CTNNA3: variants seen among roughly 807,000 people sequenced by gnomAD.
CTNNA3 encodes catenin alpha-3.
Under a neutral mutation model 95.7 loss-of-function variants are expected in CTNNA3, and 76 were observed. The observed-to-expected ratio is 0.79, with a 90% CI of 0.66 to 0.96. The LOEUF (loss-of-function observed/expected upper bound fraction) is 0.96. Among genes scored for constraint, CTNNA3 ranks in the 40% least tolerant of loss-of-function variants. The probability of loss-of-function intolerance (pLI) is 0.00; values close to 1 mark genes in which losing one functional copy is unlikely to be tolerated. For synonymous variants in CTNNA3, 431 were observed against 374.4 expected (o/e 1.15, Z -1.74); for missense variants, 1,191 against 1,089.8 (o/e 1.09, Z -1.31).
chr10:66,907,493 G>C (rs1846037582), intron 7 of CTNNA3, among the ~76,000 whole-genome samples: 1 of 152,004 alleles, frequency 6.6e-6, no homozygotes, highest in Non-Finnish European at 1.5e-5. Flanking sequence ...GTATTGAAAG[G>C]GTTGATATCC....
intron 13 of CTNNA3, among the ~76,000 whole-genome samples, chr10:66,170,795 G>A (rs1297549302): frequency 6.6e-6 from 1 of 151,714 alleles, no homozygotes; most frequent in Non-Finnish European, 1.5e-5. Flanking sequence ...GAAGGCAAGA[G>A]CCTTCTAGCA....
intron 13 of CTNNA3, among the ~76,000 whole-genome samples, chr10:66,218,691 A>C (rs1300336297): frequency 6.6e-6 from 1 of 152,226 alleles, no homozygotes; most frequent in African/African-American, 2.4e-5. Context: ...CATACACAGC[A>C]AATATATATT....
intron 11 of CTNNA3, among the ~76,000 whole-genome samples, chr10:66,425,683 T>C (rs2093233863): frequency 6.7e-6 from 1 of 148,176 alleles, no homozygotes; most frequent in Admixed American, 6.6e-5. Flanking sequence ...AAGATATATA[T>C]ATATACACAC....
In CTNNA3 at chr10:67,258,138, C is replaced by CTTTG. The variant is rs556872529; in HGVS notation, c.580-38272_580-38269dup. On this transcript the variant is annotated intron_variant, in intron 5 of 17. Transcript: ENST00000433211. ...CTTGCTCATTTCAACAATGGTTATC[C>CTTTG]TTTGTTTGTTTGTTTGTTTGTTTGA... Among the ~76,000 whole-genome samples the CTTTG allele has an allele frequency of 1.3e-3, 202 of 151,990 alleles. 1 individual carries two copies. Among genetic ancestry groups the CTTTG allele is most frequent in the African/African-American group, 2.2e-3 (90 of 41,490 alleles).
intron 13 of CTNNA3, among the ~76,000 whole-genome samples, chr10:66,188,593 C>CTG (rs1357549840): frequency 0.016 from 1,669 of 104,594 alleles, 20 homozygotes; most frequent in South Asian, 0.076. Context: ...GAGGGGGGGT[C>CTG]TCTGTGTGTG....
At chr10:67,516,349 T>A (rs1013848325) in intron 5 of CTNNA3, among the ~76,000 whole-genome samples, 2 of 152,200 alleles carry the variant, frequency 1.3e-5, no homozygotes, top group African/African-American at 4.8e-5. Flanking sequence ...CCTTACATGA[T>A]TGAAGGATAT....
At chr10:66,409,635 C>CTCT (rs1373663519) in intron 11 of CTNNA3, among the ~76,000 whole-genome samples, 2 of 152,088 alleles carry the variant, frequency 1.3e-5, no homozygotes, top group African/African-American at 2.4e-5. Context: ...ACTCTGATGG[C>CTCT]AGTGAGACCA....
chr10:67,028,728 C>T (rs1417782570), intron 7 of CTNNA3, among the ~76,000 whole-genome samples: 2 of 150,608 alleles, frequency 1.3e-5, no homozygotes, highest in African/African-American at 2.4e-5. Context: ...AAATCTAAAA[C>T]GATTAAGGTC....
intron 5 of CTNNA3, among the ~76,000 whole-genome samples, chr10:67,342,593 T>C (rs75284039): frequency 0.033 from 5,044 of 152,296 alleles, 105 homozygotes; most frequent in Non-Finnish European, 0.052. Flanking sequence ...AAATATTCAA[T>C]CCATTTTGAT....
intron 1 of CTNNA3, among the ~76,000 whole-genome samples, chr10:67,649,779 G>A (rs1256277222): frequency 1.3e-5 from 2 of 152,124 alleles, no homozygotes; most frequent in South Asian, 2.1e-4. Flanking sequence ...ATACCACAAC[G>A]CAAATCCAAA....
intron 7 of CTNNA3, among the ~76,000 whole-genome samples, chr10:67,059,605 T>G (rs994810383): frequency 3.9e-5 from 6 of 152,226 alleles, no homozygotes; most frequent in Non-Finnish European, 8.8e-5. Flanking sequence ...GATTTCCTTT[T>G]TTTAAAGTTG....
intron 12 of CTNNA3, among the ~76,000 whole-genome samples, chr10:66,299,874 T>C (rs2091835658): frequency 6.6e-6 from 1 of 151,974 alleles, no homozygotes; most frequent in African/African-American, 2.4e-5. Flanking sequence ...CATCCAGAAA[T>C]AGTAAAATAC....
intron 13 of CTNNA3, among the ~76,000 whole-genome samples, chr10:66,104,447 T>C (rs2081800220): frequency 6.6e-6 from 1 of 152,008 alleles, no homozygotes; most frequent in South Asian, 2.1e-4. Context: ...ACTTAATATA[T>C]TTTTTTTATT....
intron 17 of CTNNA3, among the ~76,000 whole-genome samples, chr10:65,961,175 T>C (rs2077834097): frequency 6.6e-6 from 1 of 152,168 alleles, no homozygotes; most frequent in Non-Finnish European, 1.5e-5. Flanking sequence ...ATGCTTTTGG[T>C]GACTCTGTCT....
chr10:66,235,619 T>C (rs2089813615), intron 13 of CTNNA3, among the ~76,000 whole-genome samples: 1 of 152,122 alleles, frequency 6.6e-6, no homozygotes, highest in East Asian at 1.9e-4. Flanking sequence ...AGTATATTTG[T>C]AGAATTTTCG....
At chr10:67,025,345 C>T (rs1853306326) in intron 7 of CTNNA3, among the ~76,000 whole-genome samples, 1 of 151,630 alleles carries the variant, frequency 6.6e-6, no homozygotes, top group Non-Finnish European at 1.5e-5. Context: ...AAAAAAACTC[C>T]TCTCCCCAAA....
At chr10:67,433,045 A>C (rs1419249429) in intron 5 of CTNNA3, among the ~76,000 whole-genome samples, 1 of 152,096 alleles carries the variant, frequency 6.6e-6, no homozygotes, top group Non-Finnish European at 1.5e-5. Context: ...GTTTGGCACA[A>C]GAGGCCCAGC....
chr10:66,272,387 C>T (rs940697888), intron 13 of CTNNA3, among the ~76,000 whole-genome samples: 3 of 152,026 alleles, frequency 2.0e-5, no homozygotes, highest in African/African-American at 7.2e-5. Context: ...GGAAATGGTG[C>T]CTGAATAAAT....
chr10:66,049,260 T>C (rs1177627427), intron 15 of CTNNA3, among the ~76,000 whole-genome samples: 2 of 152,270 alleles, frequency 1.3e-5, no homozygotes, highest in Middle Eastern at 3.4e-3. Flanking sequence ...CCAGTTAGAA[T>C]AGCTATTATT....
Sources: allele counts gnomAD v4.1 joint callset (sites outside exome capture counted in the v4.1 genomes callset), GRCh38; gene constraint gnomAD v4.1.1; transcripts MANE v1.5; gene names NCBI Gene and HGNC (gene_info 2026-07-23, HGNC 2026-07-21).